KCNQ5: variants seen among roughly 807,000 people sequenced by gnomAD.
The protein encoded by KCNQ5 is potassium voltage-gated channel subfamily Q member 5, also known as potassium voltage-gated channel subfamily KQT member 5.
A neutral mutation model predicts 98.2 loss-of-function variants in KCNQ5; 30 were observed. That is an observed-to-expected ratio of 0.31 (90% CI 0.23 to 0.41). The LOEUF is 0.41. Ranked by LOEUF, KCNQ5 falls within the 10% of genes least tolerant of loss-of-function variation. The pLI is 1.00. For synonymous variants in KCNQ5, 458 were observed against 449.4 expected, an observed-to-expected ratio of 1.02 and a Z score of -0.24; for missense variants, 835 against 1,182.5, an observed-to-expected ratio of 0.71 and a Z score of 4.31.
chr6:73,061,324 ATTTTTCAGCATTTACC>A (rs1772770303), intron 3 of KCNQ5, among the ~76,000 whole-genome samples: 1 of 152,072 alleles, frequency 6.6e-6, no homozygotes, highest in African/African-American at 2.4e-5. Context: ...TAGGAGTAAG[ATTTTTCAGCATTTACC>A]TTTTTATGTC....
At chr6:72,704,565 T>C (rs549016086) in intron 1 of KCNQ5, among the ~76,000 whole-genome samples, 1 of 152,190 alleles carries the variant, frequency 6.6e-6, no homozygotes, top group Middle Eastern at 3.4e-3. Context: ...TAGAATGACA[T>C]ATGCCTATAG....
intron 5 of KCNQ5, among the ~76,000 whole-genome samples, chr6:73,085,567 C>T (rs1389977519): frequency 6.6e-6 from 1 of 152,148 alleles, no homozygotes; most frequent in East Asian, 1.9e-4. Context: ...GTGATCATCC[C>T]GGAAGCCTGA....
chr6:72,712,660 T>G (rs1442743318), intron 1 of KCNQ5, among the ~76,000 whole-genome samples: 1 of 152,196 alleles, frequency 6.6e-6, no homozygotes, highest in Non-Finnish European at 1.5e-5. Context: ...TGTCAGCAAC[T>G]AATAGAACAC....
chr6:72,749,904 T>A (rs2144088), intron 1 of KCNQ5, among the ~76,000 whole-genome samples: 145,329 of 152,122 alleles, frequency 0.96, 69,605 homozygotes, highest in Non-Finnish European at 0.99. Flanking sequence ...CAAACCAGTC[T>A]TGAGTTAAGC....
intron 1 of KCNQ5, among the ~76,000 whole-genome samples, chr6:72,866,641 G>C (rs953456658): frequency 6.6e-6 from 1 of 152,126 alleles, no homozygotes; most frequent in Non-Finnish European, 1.5e-5. Flanking sequence ...TGCGTTTATA[G>C]TTAGACACAT....
intron 10 of KCNQ5, among the ~76,000 whole-genome samples, chr6:73,163,743 G>C (rs1777698248): frequency 6.6e-6 from 1 of 152,156 alleles, no homozygotes; most frequent in Non-Finnish European, 1.5e-5. Context: ...GCAAGACTCT[G>C]TCTCAAAAAT....
intron 1 of KCNQ5, among the ~76,000 whole-genome samples, chr6:72,856,230 C>A (rs1401140643): frequency 6.6e-6 from 1 of 152,060 alleles, no homozygotes; most frequent in Non-Finnish European, 1.5e-5. Context: ...GCATGTATTT[C>A]TTTGCTCAAT....
At chr6:73,065,761 G>T (rs1773021881) in intron 3 of KCNQ5, among the ~76,000 whole-genome samples, 1 of 152,142 alleles carries the variant, frequency 6.6e-6, no homozygotes, top group African/African-American at 2.4e-5. Flanking sequence ...TTTTTTGCCT[G>T]GAACCATTTT....
intron 1 of KCNQ5, among the ~76,000 whole-genome samples, chr6:72,773,454 G>T (rs1005422398): frequency 6.6e-6 from 1 of 152,088 alleles, no homozygotes; most frequent in Non-Finnish European, 1.5e-5. Flanking sequence ...GCCTGTCAGG[G>T]GGTGGGAAGC....
intron 1 of KCNQ5, among the ~76,000 whole-genome samples, chr6:72,986,123 G>A (rs578170681): frequency 5.3e-5 from 8 of 152,206 alleles, no homozygotes; most frequent in African/African-American, 9.6e-5. Context: ...CTAGCTACTC[G>A]GGAGGCTGAG....
chr6:73,023,115 A>G (rs1029699293), intron 2 of KCNQ5, among the ~76,000 whole-genome samples: 3 of 152,222 alleles, frequency 2.0e-5, no homozygotes, highest in African/African-American at 7.2e-5. Flanking sequence ...CAGAAGCTAC[A>G]TGAGCATCAG....
chr6:72,917,755 G>A (rs1238256469), intron 1 of KCNQ5, among the ~76,000 whole-genome samples: 1 of 152,140 alleles, frequency 6.6e-6, no homozygotes, highest in Non-Finnish European at 1.5e-5. Flanking sequence ...ACAGGCATGA[G>A]TCACCATGCG....
intron 3 of KCNQ5, among the ~76,000 whole-genome samples, chr6:73,058,800 G>T (rs1772644312): frequency 1.3e-5 from 2 of 152,010 alleles, no homozygotes; most frequent in South Asian, 4.1e-4. Flanking sequence ...TGGCCAAGAA[G>T]CATATAAAAA....
chr6:72,755,818 G>A lies in KCNQ5; in HGVS notation c.398+133231G>A, dbSNP rs112484397. Among the ~76,000 whole-genome samples, 278 of 151,960 alleles carry A rather than the reference G, an allele frequency of 1.8e-3. 1 individual carries two copies. The highest frequency in any genetic ancestry group is 6.4e-3 in the African/African-American group (267 of 41,432). On this transcript the variant is annotated intron_variant, in intron 1 of 13. Transcript: ENST00000370398. ...TCAGTGCTATTTATTTCTTTACATA[G>A]CCCACAATTTCCATCTGGTACCATA... is the stretch of plus-strand genomic sequence containing the variant.
chr6:72,981,456 A>G (rs577377634), intron 1 of KCNQ5, among the ~76,000 whole-genome samples: 2 of 152,204 alleles, frequency 1.3e-5, no homozygotes, highest in Non-Finnish European at 2.9e-5. Flanking sequence ...AGAGGTGTTT[A>G]TAGTATTCTC....
At chr6:72,829,148 G>T (rs909938421) in intron 1 of KCNQ5, among the ~76,000 whole-genome samples, 2 of 152,036 alleles carry the variant, frequency 1.3e-5, no homozygotes, top group Non-Finnish European at 2.9e-5. Flanking sequence ...CTCCAGAGAG[G>T]CTCTCATATA....
rs1166988076 is a variant in KCNQ5, at chr6:72,622,118, C to T, written c.-72C>T. 7.6e-6 allele frequency: 9 copies of T among 1,191,456 alleles called. No homozygotes were observed. The highest frequency in any genetic ancestry group is 4.3e-5 in the South Asian group (1 of 23,250). 73.8% of individuals were successfully genotyped at this position (1,191,456 alleles called of 1,614,324 possible). A position where few individuals can be genotyped will look rare whatever the true frequency, so the allele number is the denominator to read the frequency against. ...GGCCGCCGGCTTCCTCCTTGAAACCCGCCGGCGCACATGAGGCCGCTGCCC... is the reference window on the plus strand; with the variant it reads ...GGCCGCCGGCTTCCTCCTTGAAACCTGCCGGCGCACATGAGGCCGCTGCCC... On this transcript the variant is annotated 5_prime_UTR_variant, in exon 1 of 14. Transcript: ENST00000370398. This position sits in a 1 kb window ranked among gnomAD's most constrained non-coding sequence, Gnocchi z 6.0.
chr6:72,820,858 G>A (rs1371011527), intron 1 of KCNQ5, among the ~76,000 whole-genome samples: 2 of 152,210 alleles, frequency 1.3e-5, no homozygotes, highest in Non-Finnish European at 2.9e-5. Flanking sequence ...TATTATAAGA[G>A]TTGTCATTTT....
At chr6:72,922,401 AT>A (rs1780439280) in intron 1 of KCNQ5, among the ~76,000 whole-genome samples, 1 of 152,090 alleles carries the variant, frequency 6.6e-6, no homozygotes, top group Non-Finnish European at 1.5e-5. Context: ...CCTTTACCTC[AT>A]ATTGTTTTTT....
Sources: gnomAD v4.1 joint callset for allele counts (sites outside exome capture counted in the v4.1 genomes callset) on GRCh38, gnomAD v4.1.1 for gene constraint, Gnocchi (gnomAD v3.1) non-coding constraint, MANE v1.5 for transcripts, NCBI Gene and HGNC (gene_info 2026-07-23, HGNC 2026-07-21) for gene names.